Variants in FGD3 observed in about 807,000 individuals in gnomAD.
FGD3 encodes FYVE, RhoGEF and PH domain containing 3.
Under a neutral mutation model 71.8 loss-of-function variants are expected in FGD3, and 45 were observed. The observed-to-expected ratio is 0.63, with a 90% CI of 0.49 to 0.80. The LOEUF (loss-of-function observed/expected upper bound fraction) is 0.80. FGD3 is among the 30% of genes least tolerant of loss of function. The pLI is 0.00. For missense variants in FGD3, 844 were observed against 951.5 expected, an observed-to-expected ratio of 0.89 and a Z score of 1.49; for synonymous variants, 378 against 392.8, an observed-to-expected ratio of 0.96 and a Z score of 0.44.
rs1587880181 is a variant in FGD3, at chr9:93,036,016, A to T, written c.*427A>T. The T allele has an allele frequency of 1.2e-5, 2 of 164,018 alleles. No individual in the cohort carries two copies. Among genetic ancestry groups the T allele is most frequent in the African/African-American group, 4.8e-5 (2 of 41,666 alleles). The allele number at this position is 164,018 out of a possible 1,614,324, so 10.2% of individuals were successfully genotyped here. A position where few individuals can be genotyped will look rare whatever the true frequency, so the allele number is the denominator to read the frequency against. Reference sequence around the variant, plus strand: ...TGAGCTGAATCGTGACTTGCTTCCCACCTCCTTTCTCTGTCCTCTCCTGAG... The same window carrying T: ...TGAGCTGAATCGTGACTTGCTTCCCTCCTCCTTTCTCTGTCCTCTCCTGAG... On this transcript the variant is annotated 3_prime_UTR_variant, in exon 18 of 18. Coordinates refer to ENST00000375482, the MANE Select transcript of FGD3 (RefSeq NM_001083536.2).
intron 6 of FGD3, among the ~76,000 whole-genome samples, chr9:93,006,513 C>T (rs970086988): frequency 2.0e-5 from 3 of 152,090 alleles, no homozygotes; most frequent in South Asian, 2.1e-4. Context: ...CAGTGTCCCT[C>T]GATATCTAGT....
At chr9:93,007,231 C>T (rs13297883) in intron 6 of FGD3, among the ~76,000 whole-genome samples, 46,957 of 151,456 alleles carry the variant, frequency 0.31, 7,909 homozygotes, top group African/African-American at 0.43. Flanking sequence ...GCTGGGACTA[C>T]AGGCGCCCGC....
At chr9:93,030,540 T>C (rs1862313602) in intron 15 of FGD3, among the ~76,000 whole-genome samples, 1 of 152,204 alleles carries the variant, frequency 6.6e-6, no homozygotes, top group South Asian at 2.1e-4. Context: ...AAAGTATCCC[T>C]GAGGAAGGAA....
At chr9:93,015,859 C>G in intron 10 of FGD3, 30 bp downstream of exon 10, 1 of 1,601,064 alleles carries the variant, frequency 6.2e-7, no homozygotes, top group Non-Finnish European at 8.6e-7. Context: ...TCAAACCTGT[C>G]CCCCTGGAAG....
chr9:92,961,741 A>G (rs1338202052), intron 1 of FGD3, among the ~76,000 whole-genome samples: 1 of 152,126 alleles, frequency 6.6e-6, no homozygotes, highest in Non-Finnish European at 1.5e-5. Flanking sequence ...ACTGAGGATC[A>G]TTTTCAAGGT....
At chr9:92,949,776 A>G (rs757123241) in intron 1 of FGD3, among the ~76,000 whole-genome samples, 8 of 152,116 alleles carry the variant, frequency 5.3e-5, no homozygotes, top group Non-Finnish European at 1.0e-4. Flanking sequence ...GGCTTCCTCC[A>G]CAACACCCCT....
rs1859474860 is a variant in FGD3 at position 92,969,985 on chromosome 9, G to A, written c.-217-5253G>A. On this transcript the variant is annotated intron_variant, in intron 1 of 17. Transcript: ENST00000375482. The surrounding 1 kb of genome is among the most constrained non-coding windows in gnomAD (Gnocchi z 4.5). ...TGTTCCCTGGCTGAGTCCACAGTGG[G>A]CACGGCTCATCTGGGTCAGCAGCTC... Among the ~76,000 whole-genome samples, 1 of 152,218 alleles carries A rather than the reference G, an allele frequency of 6.6e-6. No homozygotes were observed. Among genetic ancestry groups the A allele is most frequent in the African/African-American group, 2.4e-5 (1 of 41,444 alleles).
At chr9:92,999,140 G>T (rs186871936) in intron 3 of FGD3, among the ~76,000 whole-genome samples, 1 of 152,172 alleles carries the variant, frequency 6.6e-6, no homozygotes, top group Non-Finnish European at 1.5e-5. Flanking sequence ...GTTTCCCGGC[G>T]GCTTTGTTTA....
chr9:92,947,904 A>G (rs1431495669), intron 1 of FGD3, among the ~76,000 whole-genome samples, 175 bp downstream of exon 1: 1 of 151,960 alleles, frequency 6.6e-6, no homozygotes. Context: ...TACTTTGAAG[A>G]GGGGTTTTAA....
chr9:92,951,953 A>G (rs1304549976), intron 1 of FGD3, among the ~76,000 whole-genome samples: 1 of 152,186 alleles, frequency 6.6e-6, no homozygotes, highest in Non-Finnish European at 1.5e-5. Context: ...TGAGGGTCTA[A>G]GATCTTCAGT....
chr9:93,026,408 C>T (rs1403736502), intron 14 of FGD3, among the ~76,000 whole-genome samples: 3 of 152,194 alleles, frequency 2.0e-5, no homozygotes, highest in Admixed American at 6.5e-5. Context: ...GAGCATCCCT[C>T]GCTACTCAGG....
chr9:92,960,267 T>C (rs911217088), intron 1 of FGD3, among the ~76,000 whole-genome samples: 5 of 151,430 alleles, frequency 3.3e-5, no homozygotes, highest in African/African-American at 4.9e-5. Context: ...CTCTACGTCC[T>C]GTTGTCATGT....
chr9:92,968,162 G>A (rs114696354), intron 1 of FGD3, among the ~76,000 whole-genome samples: 1,531 of 152,208 alleles, frequency 0.01, 10 homozygotes, highest in Non-Finnish European at 0.018. Flanking sequence ...CCGCCCACCA[G>A]CCCCCGATTC....
At chr9:92,964,687 G>A (rs767121691) in intron 1 of FGD3, among the ~76,000 whole-genome samples, 1 of 152,194 alleles carries the variant, frequency 6.6e-6, no homozygotes, top group Non-Finnish European at 1.5e-5. Flanking sequence ...GTGCCTGCCC[G>A]TGTCCCCATC....
chr9:92,982,485 CT>C (rs1462575194), intron 3 of FGD3, among the ~76,000 whole-genome samples: 1 of 152,106 alleles, frequency 6.6e-6, no homozygotes, highest in Admixed American at 6.6e-5. Flanking sequence ...AGTTCCCTTC[CT>C]TTGGATAAAT....
At chr9:92,986,226 C>G (rs1001726000) in intron 3 of FGD3, among the ~76,000 whole-genome samples, 1 of 152,190 alleles carries the variant, frequency 6.6e-6, no homozygotes, top group South Asian at 2.1e-4. Context: ...AGCCTATATC[C>G]TTATCTCCAT....
intron 1 of FGD3, among the ~76,000 whole-genome samples, chr9:92,956,119 T>TTTTG (rs369196118): frequency 5.2e-4 from 79 of 152,230 alleles, no homozygotes; most frequent in Admixed American, 7.8e-4. Flanking sequence ...GTTCTGGGAG[T>TTTTG]TTTGTTTGTT....
chr9:92,967,889 T>G (rs929768331), intron 1 of FGD3, among the ~76,000 whole-genome samples: 4 of 152,214 alleles, frequency 2.6e-5, no homozygotes, highest in African/African-American at 9.6e-5. Flanking sequence ...TGTTTAAGGC[T>G]GAACATGATT....
chr9:93,035,357 C>T lies in FGD3; in HGVS notation c.1946C>T (p.Thr649Ile). The T allele has an allele frequency of 6.2e-7, 1 of 1,610,336 alleles. No individual in the cohort carries two copies. The highest frequency in any genetic ancestry group is 8.5e-7 in the Non-Finnish European group (1 of 1,178,944). The change falls in exon 18 of 18, where the codon ACC becomes ATC. Residue 649 changes from threonine to isoleucine, a missense_variant. By Grantham distance (89) the Thr-to-Ile change is moderately conservative (BLOSUM62 -1). Transcript: ENST00000375482. ...GGSQDGRLPR[T>I]IPLPSCKLSV... is the part of the protein sequence containing the mutation. ...CTGCAGGACGGCCGGCTGCCCCGCA[C>T]CATCCCTCTCCCCAGCTGCAAACTG...
Sources: gnomAD v4.1 joint callset for allele counts (sites outside exome capture counted in the v4.1 genomes callset) on GRCh38, gnomAD v4.1.1 for gene constraint, Gnocchi (gnomAD v3.1) non-coding constraint, MANE v1.5 for transcripts, NCBI Gene and HGNC (gene_info 2026-07-23, HGNC 2026-07-21) for gene names.